Variants in EDIL3 observed in about 807,000 individuals in gnomAD.
EDIL3 encodes EGF-like repeat and discoidin I-like domain-containing protein 3.
Under a neutral mutation model 67.4 loss-of-function variants are expected in EDIL3, and 37 were observed. The ratio of observed to expected loss-of-function variants is 0.55; its 90% CI spans 0.42 to 0.72. The LOEUF (loss-of-function observed/expected upper bound fraction) is 0.72. Ranked by LOEUF, EDIL3 falls within the 30% of genes least tolerant of loss-of-function variation. The pLI is 0.00. For missense variants in EDIL3, 527 were observed against 586.3 expected, an observed-to-expected ratio of 0.90 and a Z score of 1.04; for synonymous variants, 195 against 196.3, an observed-to-expected ratio of 0.99 and a Z score of 0.05.
intron 3 of EDIL3, among the ~76,000 whole-genome samples, chr5:84,208,772 T>C (rs374445398): frequency 6.6e-6 from 1 of 151,010 alleles, no homozygotes; most frequent in African/African-American, 2.4e-5. Flanking sequence ...TTTACACTGT[T>C]GGTGGGACTG....
At chr5:83,944,937 T>C (rs1404739196) in intron 10 of EDIL3, among the ~76,000 whole-genome samples, 2 of 151,958 alleles carry the variant, frequency 1.3e-5, no homozygotes, top group Non-Finnish European at 1.5e-5. Flanking sequence ...AACCCACATC[T>C]TTCAGCATTC....
intron 1 of EDIL3, among the ~76,000 whole-genome samples, chr5:84,376,169 C>A (rs1237422020): frequency 6.6e-6 from 1 of 152,052 alleles, no homozygotes; most frequent in Non-Finnish European, 1.5e-5. Flanking sequence ...AATAATAGCA[C>A]CTGCCTCAAT....
At chr5:84,265,642 C>A (rs1745333072) in intron 1 of EDIL3, among the ~76,000 whole-genome samples, 1 of 152,160 alleles carries the variant, frequency 6.6e-6, no homozygotes, top group African/African-American at 2.4e-5. Context: ...TGAAGTAAGT[C>A]TTTTTATTCA....
chr5:83,943,276 C>T lies in EDIL3; in HGVS notation c.*143G>A. 2.7e-6 allele frequency: 3 copies of T among 1,112,878 alleles called. No individual in the cohort carries two copies. The highest frequency in any genetic ancestry group is 3.8e-6 in the Non-Finnish European group (3 of 789,050). The allele number at this position is 1,112,878 out of a possible 1,614,324, so 68.9% of individuals were successfully genotyped here. A position where few individuals can be genotyped will look rare whatever the true frequency, so the allele number is the denominator to read the frequency against. ...GCAGGCTTAGACCCCCTTAAAAACA[C>T]CGTTAGTTGCCTACCATAATTTGAG... On this transcript the variant is annotated 3_prime_UTR_variant, in exon 11 of 11. Coordinates refer to ENST00000296591, the MANE Select transcript of EDIL3 (RefSeq NM_005711.5).
intron 6 of EDIL3, among the ~76,000 whole-genome samples, chr5:84,073,561 A>T (rs1024697982): frequency 2.6e-5 from 4 of 152,196 alleles, no homozygotes; most frequent in Admixed American, 1.3e-4. Flanking sequence ...CAACAGACAA[A>T]AAGAGAGCCA....
At chr5:84,075,226 C>T (rs1746828556) in intron 6 of EDIL3, among the ~76,000 whole-genome samples, 1 of 151,794 alleles carries the variant, frequency 6.6e-6, no homozygotes, top group Non-Finnish European at 1.5e-5. Context: ...GGAGGGATAG[C>T]ATTAGGAGAT....
intron 1 of EDIL3, among the ~76,000 whole-genome samples, chr5:84,358,104 A>C (rs576739823): frequency 2.0e-5 from 3 of 152,164 alleles, no homozygotes; most frequent in Admixed American, 6.6e-5. Context: ...CATCCAAAAA[A>C]TACATGGGAA....
In EDIL3 at chr5:84,154,872, G is replaced by C. The variant is rs115142822; in HGVS notation, c.356-17518C>G. Among the ~76,000 whole-genome samples, 9 of 151,588 alleles carry C rather than the reference G, an allele frequency of 5.9e-5. 1 individual carries two copies. The highest frequency in any genetic ancestry group is 2.2e-4 in the African/African-American group (9 of 41,268). Reference sequence around the variant, plus strand: ...CCGCCACCACGCCCAGCTAATTTTCGTATTTTTAGAAGAGACGGAGTTTCA... The same window carrying C: ...CCGCCACCACGCCCAGCTAATTTTCCTATTTTTAGAAGAGACGGAGTTTCA... On this transcript the variant is annotated intron_variant, in intron 4 of 10. Coordinates refer to ENST00000296591, the MANE Select transcript of EDIL3 (RefSeq NM_005711.5).
chr5:84,040,904 G>A (rs1489982454), intron 9 of EDIL3, among the ~76,000 whole-genome samples: 7 of 152,202 alleles, frequency 4.6e-5, no homozygotes, highest in Non-Finnish European at 7.3e-5. Context: ...GGCCAAGGCC[G>A]ATGGATCGCT....
chr5:84,361,810 T>G (rs1747617763), intron 1 of EDIL3, among the ~76,000 whole-genome samples: 1 of 152,030 alleles, frequency 6.6e-6, no homozygotes, highest in Non-Finnish European at 1.5e-5. Context: ...CCTTTATAAC[T>G]TACTTTGTGT....
intron 1 of EDIL3, among the ~76,000 whole-genome samples, chr5:84,325,995 A>G (rs1161259633): frequency 6.6e-6 from 1 of 152,122 alleles, no homozygotes; most frequent in Non-Finnish European, 1.5e-5. Context: ...AGCAGTTTTC[A>G]GAAGTGGGAC....
intron 1 of EDIL3, among the ~76,000 whole-genome samples, chr5:84,348,997 G>A (rs892005488): frequency 1.5e-4 from 23 of 152,076 alleles, no homozygotes; most frequent in African/African-American, 5.6e-4. Flanking sequence ...AACAGCACTA[G>A]TCCATAATCC....
chr5:84,283,315 A>G (rs965641107), intron 1 of EDIL3, among the ~76,000 whole-genome samples: 2 of 152,232 alleles, frequency 1.3e-5, no homozygotes, highest in Non-Finnish European at 2.9e-5. Flanking sequence ...ATTCATGTTT[A>G]GTTAGGTTCA....
intron 4 of EDIL3, among the ~76,000 whole-genome samples, chr5:84,143,955 C>A (rs1232670564): frequency 6.6e-6 from 1 of 151,978 alleles, no homozygotes; most frequent in Non-Finnish European, 1.5e-5. Context: ...ACCAGTGAGT[C>A]CCTTGCTTGG....
intron 1 of EDIL3, among the ~76,000 whole-genome samples, chr5:84,289,789 A>G (rs938162006): frequency 6.6e-6 from 1 of 152,212 alleles, no homozygotes; most frequent in Non-Finnish European, 1.5e-5. Context: ...AGAAATGAAT[A>G]CGCTTACTGA....
At chr5:84,147,680 C>A (rs544105124) in intron 4 of EDIL3, among the ~76,000 whole-genome samples, 2 of 151,748 alleles carry the variant, frequency 1.3e-5, no homozygotes, top group African/African-American at 4.8e-5. Flanking sequence ...ATAAAACCTT[C>A]AGTTCACCAA....
chr5:83,950,708 A>C (rs2112116614), intron 10 of EDIL3, among the ~76,000 whole-genome samples: 1 of 151,980 alleles, frequency 6.6e-6, no homozygotes, highest in East Asian at 2.0e-4. Context: ...AAACCTAATA[A>C]GCATATCAAA....
At chr5:84,340,419 CAT>C (rs1747076961) in intron 1 of EDIL3, among the ~76,000 whole-genome samples, 1 of 149,750 alleles carries the variant, frequency 6.7e-6, no homozygotes, top group Non-Finnish European at 1.5e-5. Context: ...AATTAGTTGA[CAT>C]ATGTAAATAA....
intron 6 of EDIL3, among the ~76,000 whole-genome samples, chr5:84,105,577 G>A (rs137950020): frequency 2.0e-5 from 3 of 151,938 alleles, no homozygotes; most frequent in Non-Finnish European, 4.4e-5. Context: ...AGAATACGTA[G>A]TAAACAGATA....
Sources: allele counts gnomAD v4.1 joint callset (sites outside exome capture counted in the v4.1 genomes callset), GRCh38; gene constraint gnomAD v4.1.1; transcripts MANE v1.5; gene names NCBI Gene and HGNC (gene_info 2026-07-23, HGNC 2026-07-21).